Variants in DEPDC5 observed in about 807,000 individuals in gnomAD.
DEPDC5 encodes the protein GATOR1 complex protein DEPDC5.
Under a neutral mutation model 217.3 loss-of-function variants are expected in DEPDC5, and 73 were observed. The observed-to-expected ratio is 0.34, with a 90% CI of 0.28 to 0.41. The LOEUF is 0.41. DEPDC5 is among the 10% of genes least tolerant of loss of function. DEPDC5 has a pLI of 1.00. For missense variants in DEPDC5, 1,675 were observed against 2,070.1 expected (o/e 0.81, Z 3.70); for synonymous variants, 733 against 756.7 (o/e 0.97, Z 0.51).
chr22:31,774,011 T>C (rs1303370304), intron 7 of DEPDC5, among the ~76,000 whole-genome samples: 1 of 151,752 alleles, frequency 6.6e-6, no homozygotes, highest in Non-Finnish European at 1.5e-5. Context: ...GCAGAGGTTG[T>C]GGTGAGCCGA....
At chr22:31,874,099 A>C in intron 35 of DEPDC5, 174 bp from the exon 36 acceptor site, 1 of 1,036,408 alleles carries the variant, frequency 9.6e-7, no homozygotes, top group Non-Finnish European at 1.4e-6. Context: ...GGCCCCCGGT[A>C]ACAGTTTCTT....
At chr22:31,759,492 G>A (rs980702738) in intron 3 of DEPDC5, among the ~76,000 whole-genome samples, 1 of 151,116 alleles carries the variant, frequency 6.6e-6, no homozygotes, top group East Asian at 1.9e-4. Context: ...TCCTGCCTCA[G>A]CCTCCTGAGT....
chr22:31,791,183 C>G (rs2085590584), intron 10 of DEPDC5, among the ~76,000 whole-genome samples: 1 of 152,154 alleles, frequency 6.6e-6, no homozygotes, highest in African/African-American at 2.4e-5. Flanking sequence ...TTTCCACATT[C>G]CTGGCACTTT....
intron 8 of DEPDC5, among the ~76,000 whole-genome samples, chr22:31,783,357 A>G (rs1386512357): frequency 1.3e-5 from 2 of 152,152 alleles, no homozygotes; most frequent in African/African-American, 2.4e-5. Context: ...AACACTCACC[A>G]TGAAGGTCCG....
intron 9 of DEPDC5, 88 bp from the exon 10 acceptor site, chr22:31,784,710 GCTTAGAGAAGAATTTA>G (rs2084806955): frequency 9.3e-7 from 1 of 1,070,398 alleles, no homozygotes; most frequent in African/African-American, 1.6e-5. Flanking sequence ...TTAGGGAATT[GCTTAGAGAAGAATTTA>G]CTTAGAGAAG....
chr22:31,891,801 C>T (rs566769971), intron 38 of DEPDC5, among the ~76,000 whole-genome samples: 1 of 152,262 alleles, frequency 6.6e-6, no homozygotes, highest in African/African-American at 2.4e-5. Flanking sequence ...AAACAGAAAC[C>T]CTAGGTCTGG....
chr22:31,882,262 C>A (rs2093196586), intron 38 of DEPDC5, among the ~76,000 whole-genome samples: 1 of 152,124 alleles, frequency 6.6e-6, no homozygotes, highest in Non-Finnish European at 1.5e-5. Context: ...ATTTTCATCT[C>A]TGCGGAACAA....
At chr22:31,877,100 G>A (rs1344868214) in intron 37 of DEPDC5, among the ~76,000 whole-genome samples, 1 of 149,492 alleles carries the variant, frequency 6.7e-6, no homozygotes, top group East Asian at 2.0e-4. Context: ...CCGAGATTGT[G>A]CTGCTGTACT....
intron 21 of DEPDC5, chr22:31,817,637 C>T (rs2089279980): frequency 5.6e-6 from 1 of 179,152 alleles, no homozygotes; most frequent in Non-Finnish European, 1.2e-5. Flanking sequence ...TACAGGTGTG[C>T]ACCACCACAC....
Position 31,821,530 on chromosome 22 carries a change from C to A in DEPDC5, c.1899C>A (p.His633Gln), listed in dbSNP as rs762892699. 1 of 1,614,224 alleles carries A rather than the reference C, an allele frequency of 6.2e-7. No homozygotes were observed. Among genetic ancestry groups the A allele is most frequent in the Non-Finnish European group, 8.5e-7 (1 of 1,180,038 alleles). Residue 633 changes from histidine (H) to glutamine (Q), a missense_variant, in exon 23 of 43, where the codon CAC (histidine) becomes CAA (glutamine). Physicochemically the swap from His to Gln is conservative, Grantham distance 24. Transcript: ENST00000651528. ...CATCCGGAGAAGCCATCCAGATCCA[C>A]CACCAGACCCGACAGAATATGGCGG... is the stretch of plus-strand genomic sequence containing the variant. The part of the protein sequence containing the change: ...VGPSGEAIQI[H>Q]HQTRQNMAEL...
intron 31 of DEPDC5, among the ~76,000 whole-genome samples, chr22:31,849,571 A>G (rs2091916730): frequency 6.6e-6 from 1 of 152,052 alleles, no homozygotes; most frequent in Admixed American, 6.6e-5. Flanking sequence ...ACCTGAGACC[A>G]GGAGTTCAAG....
intron 18 of DEPDC5, among the ~76,000 whole-genome samples, chr22:31,806,893 T>C (rs7291135): frequency 0.069 from 10,524 of 152,204 alleles, 393 homozygotes; most frequent in Non-Finnish European, 0.083. Context: ...ATACCTGTAG[T>C]CCCAGCTACT....
rs1187968461 is a variant in DEPDC5, at chr22:31,893,584, G to A, written c.4036G>A (p.Ala1346Thr). 1 of 1,587,882 alleles carries A rather than the reference G, an allele frequency of 6.3e-7. No individual in the cohort carries two copies. The highest frequency in any genetic ancestry group is 2.3e-5 in the East Asian group (1 of 43,168). ...GRSQAAALLA[A>T]TVPEQRTVTL... ...GCCCCTCCTGTGTGCTGACATAGCT[G>A]CCACTGTCCCAGAGCAGAGGACTGT... Residue 1346 changes from alanine (A) to threonine (T), a missense_variant and splice_region_variant, in exon 39 of 43, where the codon GCC becomes ACC. Ala to Thr is a moderately conservative substitution (Grantham distance 58). This residue lies in a region of DEPDC5 where 182 missense variants were observed against 290.1 expected (regional missense o/e 0.63). Coordinates refer to ENST00000651528, the MANE Select transcript of DEPDC5 (RefSeq NM_001242896.3).
chr22:31,830,920 C>T (rs1320350044), intron 24 of DEPDC5: 1 of 151,994 alleles, frequency 6.6e-6, no homozygotes, highest in African/African-American at 2.4e-5. Context: ...TGTTATTGCT[C>T]AGAGTGTTTT....
At chr22:31,775,253 C>T (rs1405709732) in intron 7 of DEPDC5, among the ~76,000 whole-genome samples, 2 of 151,796 alleles carry the variant, frequency 1.3e-5, no homozygotes, top group Non-Finnish European at 2.9e-5. Flanking sequence ...GATCTGAGCT[C>T]ATTGCAACCT....
At chr22:31,868,868 T>C (rs1427355629) in intron 33 of DEPDC5, among the ~76,000 whole-genome samples, 1 of 152,158 alleles carries the variant, frequency 6.6e-6, no homozygotes, top group South Asian at 2.1e-4. Flanking sequence ...ACTTAGTCAT[T>C]CTCTTCATAT....
At chr22:31,769,025 C>G in intron 7 of DEPDC5, 162 bp downstream of exon 7, 1 of 793,944 alleles carries the variant, frequency 1.3e-6, no homozygotes, top group East Asian at 2.8e-5. Context: ...CTTTGGGAGG[C>G]CAAGGTGGGC....
At position 31,855,394 on chromosome 22, in the gene DEPDC5, T is replaced by G. The variant is rs192700314; in HGVS notation, c.3156-2051T>G. Among the ~76,000 whole-genome samples the G allele has an allele frequency of 1.6e-3, 246 of 151,632 alleles. 1 individual carries two copies. Among genetic ancestry groups the G allele is most frequent in the African/African-American group, 5.6e-3 (233 of 41,356 alleles). On this transcript the variant is annotated intron_variant, in intron 31 of 42. Coordinates refer to ENST00000651528, the MANE Select transcript of DEPDC5 (RefSeq NM_001242896.3). ...TCAAAATATTTCTTTTTTTTTTTTT[T>G]GCGACGGAGTCTCGCTCTGTCGCCC...
At position 31,791,643 on chromosome 22, in the gene DEPDC5, AAAG is replaced by A. The variant is rs2085649390; in HGVS notation, c.625-389_625-387del. On this transcript the variant is annotated intron_variant, in intron 10 of 42. Coordinates refer to ENST00000651528, the MANE Select transcript of DEPDC5 (RefSeq NM_001242896.3). The stretch of plus-strand genomic sequence containing the variant: ...AGACTGCCTCAAAAAAAAAAAAAAA[AAAG>A]GGCTGGGCACAGTGGCTCACACCTG... 5.4e-5 allele frequency among the ~76,000 whole-genome samples: 8 copies of A among 148,088 alleles called. No homozygotes were observed. In the South Asian group the frequency reaches 1.5e-3, roughly 28 times the overall value.
Sources: gnomAD v4.1 joint callset for allele counts (sites outside exome capture counted in the v4.1 genomes callset) on GRCh38, gnomAD v4.1.1 for gene constraint, gnomAD v4.1.1 regional missense constraint, MANE v1.5 for transcripts, NCBI Gene and HGNC (gene_info 2026-07-23, HGNC 2026-07-21) for gene names.